PPP1R9A: variants seen among roughly 807,000 people sequenced by gnomAD.
The protein encoded by PPP1R9A is neurabin-1.
PPP1R9A carries 59 observed loss-of-function variants against 141.9 expected under a neutral mutation model. The observed-to-expected ratio is 0.42, with a 90% CI of 0.34 to 0.52. The LOEUF is 0.52. Ranked by LOEUF, PPP1R9A falls within the 20% of genes least tolerant of loss-of-function variation. The probability of loss-of-function intolerance (pLI) is 0.10; values close to 1 mark genes in which losing one functional copy is unlikely to be tolerated. For missense variants in PPP1R9A, 1,444 were observed against 1,611.9 expected (o/e 0.90, Z 1.78); for synonymous variants, 500 against 569.7 (o/e 0.88, Z 1.74).
chr7:95,269,445 A>G lies in PPP1R9A; in HGVS notation c.3062A>G (p.His1021Arg), dbSNP rs1232085120. The change falls in exon 14 of 20, where the codon CAT (histidine) becomes CGT (arginine). Residue 1021 changes from histidine to arginine, a missense_variant. By Grantham distance (29) the His-to-Arg change is conservative. Around this residue, in one of 5 missense-constraint regions of PPP1R9A, gnomAD observed 459 missense variants for 513.8 expected, o/e 0.89. Transcript: ENST00000433360. Reference sequence around the variant, plus strand: ...CTGTTTTCTACTTCAAAGTCTGATCATGATGTGGAAGAATCTCCTTGCCAT... The same window carrying G: ...CTGTTTTCTACTTCAAAGTCTGATCGTGATGTGGAAGAATCTCCTTGCCAT... ...TSLFSTSKSD[H>R]DVEESPCHHQ... The G allele has an allele frequency of 1.9e-6, 3 of 1,591,208 alleles. No individual in the cohort carries two copies. The highest frequency in any genetic ancestry group is 2.2e-5 in the East Asian group (1 of 44,812).
At chr7:94,994,058 G>A (rs773982999) in intron 2 of PPP1R9A, among the ~76,000 whole-genome samples, 7 of 152,062 alleles carry the variant, frequency 4.6e-5, no homozygotes, top group African/African-American at 1.7e-4. Flanking sequence ...TTATTTAACC[G>A]AAGTTTTATC....
intron 5 of PPP1R9A, among the ~76,000 whole-genome samples, chr7:95,177,242 C>T (rs189756099): frequency 1.3e-5 from 2 of 152,036 alleles, no homozygotes; most frequent in Non-Finnish European, 2.9e-5. Context: ...CAATGATCAC[C>T]CAAGAATTTT....
At chr7:94,943,434 A>C (rs1391967082) in intron 2 of PPP1R9A, among the ~76,000 whole-genome samples, 1 of 152,202 alleles carries the variant, frequency 6.6e-6, no homozygotes, top group African/African-American at 2.4e-5. Context: ...GCTCTGTAGA[A>C]ATGTTTATCA....
chr7:95,146,914 T>A (rs1263307372), intron 4 of PPP1R9A, among the ~76,000 whole-genome samples: 4 of 152,216 alleles, frequency 2.6e-5, no homozygotes, highest in Non-Finnish European at 5.9e-5. Context: ...GTAGTATAAT[T>A]TGAAGTCAGG....
chr7:95,161,871 C>A lies in PPP1R9A; in HGVS notation c.1654C>A (p.Gln552Lys). Reference protein sequence around the residue: ...GGAAQRDGRIQVNDQIVEVDG... With the variant: ...GGAAQRDGRIKVNDQIVEVDG... The stretch of plus-strand genomic sequence containing the variant: ...AATTTTTTCCTCTTTCTAAAGAATA[C>A]AAGTCAATGACCAGATTGTGGAAGT... Residue 552 changes from glutamine to lysine, a missense_variant, in exon 5 of 20, where the codon CAA (glutamine) becomes AAA (lysine). Physicochemically the swap from Gln to Lys is moderately conservative, Grantham distance 53 (BLOSUM62 1). Transcript: ENST00000433360. 1 of 1,603,236 alleles carries A rather than the reference C, an allele frequency of 6.2e-7. No homozygotes were observed. The highest frequency in any genetic ancestry group is 8.5e-7 in the Non-Finnish European group (1 of 1,174,072).
intron 2 of PPP1R9A, among the ~76,000 whole-genome samples, chr7:94,970,294 C>T (rs1798716504): frequency 6.6e-6 from 1 of 152,224 alleles, no homozygotes; most frequent in Non-Finnish European, 1.5e-5. Flanking sequence ...CAAAGGGAAA[C>T]TCCTGGTCTG....
chr7:95,072,562 C>T (rs9649193), intron 2 of PPP1R9A, among the ~76,000 whole-genome samples: 17 of 135,834 alleles, frequency 1.3e-4, no homozygotes, highest in Admixed American at 2.6e-4. Flanking sequence ...TCAGAATTAG[C>T]AGGCAATATC....
intron 2 of PPP1R9A, among the ~76,000 whole-genome samples, chr7:94,942,745 A>G (rs1795470679): frequency 6.6e-6 from 1 of 152,054 alleles, no homozygotes; most frequent in Non-Finnish European, 1.5e-5. Context: ...CAGAGGTTGC[A>G]GTGAGCCAAG....
intron 2 of PPP1R9A, among the ~76,000 whole-genome samples, chr7:95,021,627 A>G (rs1430986989): frequency 2.6e-5 from 4 of 152,162 alleles, no homozygotes; most frequent in East Asian, 3.9e-4. Context: ...TCTTTAATCC[A>G]TCTTGAGTTA....
In PPP1R9A at chr7:95,274,091, T is replaced by C. The variant is rs189227271; in HGVS notation, c.3219T>C (p.Pro1073=). 9.9e-5 allele frequency: 156 copies of C among 1,578,842 alleles called. No homozygotes were observed. The East Asian group carries it at 3.5e-3, about 35-fold the overall frequency. The part of the protein sequence containing the change: ...IKRKFVDLGA[P]LRRNSSKGKK... ...CTGCTTACTATCATTACAGGGCGCC[T>C]TTGCGAAGGAATTCCAGCAAGGGAA... The change falls in exon 16 of 20, where the codon CCT becomes CCC. Residue 1073 remains proline (P), a synonymous_variant. Transcript: ENST00000433360.
chr7:95,288,887 A>G (rs1805850613), intron 19 of PPP1R9A, among the ~76,000 whole-genome samples, 169 bp downstream of exon 19: 1 of 152,182 alleles, frequency 6.6e-6, no homozygotes. Context: ...GAAGTCTCAG[A>G]AAGTCCATCA....
At chr7:95,130,443 G>C (rs897315287) in intron 4 of PPP1R9A, among the ~76,000 whole-genome samples, 2 of 152,200 alleles carry the variant, frequency 1.3e-5, no homozygotes, top group African/African-American at 4.8e-5. Context: ...TTTGCTGCAG[G>C]GGTGGGGCTC....
intron 2 of PPP1R9A, among the ~76,000 whole-genome samples, chr7:95,022,556 T>C (rs1806141860): frequency 6.6e-6 from 1 of 152,192 alleles, no homozygotes; most frequent in Non-Finnish European, 1.5e-5. Context: ...TGTCTTGTGC[T>C]GGTTTTCAAA....
Position 94,985,472 on chromosome 7 carries a change from A to T in PPP1R9A, c.1395+73964A>T, listed in dbSNP as rs142205098. ...TGTGGGAGTGTAAGTCTCTTTTTAG[A>T]TCTCTCAGGACTTACCTTATGAATC... On this transcript the variant is annotated intron_variant, in intron 2 of 19. Transcript: ENST00000433360. Among the ~76,000 whole-genome samples, 557 of 151,968 alleles carry T rather than the reference A, an allele frequency of 3.7e-3. 3 individuals are homozygous for T. Among genetic ancestry groups the T allele is most frequent in the African/African-American group, 0.013 (522 of 41,472 alleles).
At chr7:95,198,268 G>A in intron 5 of PPP1R9A, 81 bp from the exon 6 acceptor site, 1 of 1,346,518 alleles carries the variant, frequency 7.4e-7, no homozygotes, top group East Asian at 2.5e-5. Context: ...GGACCCTGCT[G>A]AGATCAAACC....
intron 2 of PPP1R9A, among the ~76,000 whole-genome samples, chr7:94,976,503 G>T (rs1415139515): frequency 2.0e-5 from 3 of 151,910 alleles, no homozygotes; most frequent in Non-Finnish European, 4.4e-5. Context: ...ACCACGTCTG[G>T]CTAATTTTTT....
At chr7:94,930,765 A>G (rs1243651579) in intron 2 of PPP1R9A, among the ~76,000 whole-genome samples, 1 of 152,208 alleles carries the variant, frequency 6.6e-6, no homozygotes, top group Non-Finnish European at 1.5e-5. Context: ...AAGGAGTTAC[A>G]GAGATACAAA....
intron 12 of PPP1R9A, among the ~76,000 whole-genome samples, chr7:95,254,328 A>G (rs1433272249): frequency 6.6e-6 from 1 of 152,190 alleles, no homozygotes. Flanking sequence ...CGTGGTCAGT[A>G]GCTAGATAGG....
At chr7:95,080,494 C>A (rs1198307969) in intron 2 of PPP1R9A, among the ~76,000 whole-genome samples, 1 of 152,064 alleles carries the variant, frequency 6.6e-6, no homozygotes, top group Non-Finnish European at 1.5e-5. Context: ...GAATCAATAT[C>A]ATGAAAATGG....
Sources: allele counts gnomAD v4.1 joint callset (sites outside exome capture counted in the v4.1 genomes callset), GRCh38; gene constraint gnomAD v4.1.1; regional missense constraint gnomAD v4.1.1; transcripts MANE v1.5; gene names NCBI Gene and HGNC (gene_info 2026-07-23, HGNC 2026-07-21).